Variants in VWC2L observed in about 807,000 individuals in gnomAD.
The protein encoded by VWC2L is von Willebrand factor C domain-containing protein 2-like.
VWC2L carries 10 observed loss-of-function variants against 21.6 expected under a neutral mutation model. The ratio of observed to expected loss-of-function variants is 0.46; its 90% CI spans 0.29 to 0.78. VWC2L has a LOEUF of 0.78. Among genes scored for constraint, VWC2L ranks in the 30% least tolerant of loss-of-function variants. The pLI is 0.10. For synonymous variants in VWC2L, 96 were observed against 94.3 expected, an observed-to-expected ratio of 1.02 and a Z score of -0.10; for missense variants, 209 against 277.1, an observed-to-expected ratio of 0.75 and a Z score of 1.74.
intron 2 of VWC2L, among the ~76,000 whole-genome samples, chr2:214,418,011 CT>C (rs762125481): frequency 3.9e-5 from 6 of 152,060 alleles, no homozygotes; most frequent in Non-Finnish European, 5.9e-5. Flanking sequence ...CTCTTGGTGG[CT>C]TTTTTTCCCT....
At chr2:214,414,073 TTATA>T in intron 1 of VWC2L, 37 bp from the exon 2 acceptor site, 1 of 1,134,974 alleles carries the variant, frequency 8.8e-7, no homozygotes, top group East Asian at 2.6e-5. Context: ...TATCTTCACT[TTATA>T]TATGTCAAAT....
intron 3 of VWC2L, among the ~76,000 whole-genome samples, chr2:214,472,879 GT>G: frequency 6.6e-6 from 1 of 152,208 alleles, no homozygotes; most frequent in African/African-American, 2.4e-5. Context: ...GAAAATATAT[GT>G]GTAACACACC....
At chr2:214,530,009 A>C (rs185422962) in intron 3 of VWC2L, among the ~76,000 whole-genome samples, 1 of 152,326 alleles carries the variant, frequency 6.6e-6, no homozygotes, top group East Asian at 1.9e-4. Flanking sequence ...GTAGTTCTTC[A>C]GGTTTCACAG....
At chr2:214,547,408 T>C (rs1689726094) in intron 3 of VWC2L, among the ~76,000 whole-genome samples, 1 of 152,146 alleles carries the variant, frequency 6.6e-6, no homozygotes, top group African/African-American at 2.4e-5. Flanking sequence ...ATGTTCGACA[T>C]ATAATTCAGT....
chr2:214,455,967 C>A (rs1237439350), intron 3 of VWC2L, among the ~76,000 whole-genome samples: 2 of 152,148 alleles, frequency 1.3e-5, no homozygotes, highest in Non-Finnish European at 2.9e-5. Flanking sequence ...GATTCCCTAT[C>A]TTGGCTATTG....
intron 2 of VWC2L, among the ~76,000 whole-genome samples, chr2:214,417,679 G>T (rs751953094): frequency 6.6e-6 from 1 of 152,160 alleles, no homozygotes; most frequent in Non-Finnish European, 1.5e-5. Flanking sequence ...ATTCAGATAT[G>T]TGTCGGTGGA....
chr2:214,499,179 C>T (rs1180366546), intron 3 of VWC2L, among the ~76,000 whole-genome samples: 1 of 151,684 alleles, frequency 6.6e-6, no homozygotes, highest in African/African-American at 2.4e-5. Flanking sequence ...CCACCATGCC[C>T]AGCTAATTTT....
chr2:214,533,528 G>T (rs1485120705), intron 3 of VWC2L, among the ~76,000 whole-genome samples: 1 of 141,542 alleles, frequency 7.1e-6, no homozygotes, highest in African/African-American at 2.6e-5. Flanking sequence ...GAACTCCCTT[G>T]TAGGGCATAG....
At chr2:214,516,498 T>C (rs976560622) in intron 3 of VWC2L, among the ~76,000 whole-genome samples, 4 of 152,164 alleles carry the variant, frequency 2.6e-5, no homozygotes, top group African/African-American at 9.7e-5. Context: ...TCACAATTTA[T>C]AGAAAGCTAA....
At chr2:214,529,112 C>G (rs1444775435) in intron 3 of VWC2L, among the ~76,000 whole-genome samples, 1 of 152,128 alleles carries the variant, frequency 6.6e-6, no homozygotes, top group Non-Finnish European at 1.5e-5. Context: ...AATGACAAAA[C>G]CAGGATCTGA....
At chr2:214,560,817 T>A (rs1489802722) in intron 3 of VWC2L, among the ~76,000 whole-genome samples, 1 of 152,174 alleles carries the variant, frequency 6.6e-6, no homozygotes, top group Non-Finnish European at 1.5e-5. Flanking sequence ...AAAATCACAC[T>A]TATCAAAGAA....
chr2:214,450,035 G>A (rs1339095756), intron 3 of VWC2L, among the ~76,000 whole-genome samples: 1 of 152,182 alleles, frequency 6.6e-6, no homozygotes, highest in African/African-American at 2.4e-5. Flanking sequence ...AACTTTCTGT[G>A]TTAGGGTTTG....
chr2:214,447,217 G>A (rs1702851342), intron 3 of VWC2L, among the ~76,000 whole-genome samples: 1 of 152,076 alleles, frequency 6.6e-6, no homozygotes, highest in African/African-American at 2.4e-5. Flanking sequence ...TATCTCTCCA[G>A]AGAGGTTCAA....
chr2:214,503,634 A>G (rs1688926181), intron 3 of VWC2L, among the ~76,000 whole-genome samples: 1 of 152,088 alleles, frequency 6.6e-6, no homozygotes, highest in South Asian at 2.1e-4. Flanking sequence ...GTAGGGCTAG[A>G]ATAAATCTCA....
chr2:214,452,854 T>G (rs993870507), intron 3 of VWC2L, among the ~76,000 whole-genome samples: 1 of 152,222 alleles, frequency 6.6e-6, no homozygotes, highest in Non-Finnish European at 1.5e-5. Flanking sequence ...TAGTCTCTTT[T>G]CATATGATAT....
At chr2:214,517,324 G>A (rs1223208624) in intron 3 of VWC2L, among the ~76,000 whole-genome samples, 2 of 152,184 alleles carry the variant, frequency 1.3e-5, no homozygotes, top group African/African-American at 2.4e-5. Flanking sequence ...ATGACAGGCG[G>A]CTACAGGGTC....
At chr2:214,470,226 A>G (rs1166212353) in intron 3 of VWC2L, among the ~76,000 whole-genome samples, 1 of 150,480 alleles carries the variant, frequency 6.6e-6, no homozygotes, top group African/African-American at 2.4e-5. Flanking sequence ...TTTTTTTTGC[A>G]CTTGAAGAAA....
chr2:214,517,769 G>A (rs1184940104), intron 3 of VWC2L, among the ~76,000 whole-genome samples: 1 of 152,160 alleles, frequency 6.6e-6, no homozygotes, highest in Admixed American at 6.5e-5. Flanking sequence ...TTGGTTAAAA[G>A]ATGCCAAAAA....
chr2:214,555,264 C>T (rs983045447), intron 3 of VWC2L, among the ~76,000 whole-genome samples: 20 of 152,118 alleles, frequency 1.3e-4, no homozygotes, highest in African/African-American at 4.8e-4. Flanking sequence ...AAATGTACAC[C>T]TTCTGTGTAT....
Sources: gnomAD v4.1 joint callset for allele counts (sites outside exome capture counted in the v4.1 genomes callset) on GRCh38, gnomAD v4.1.1 for gene constraint, MANE v1.5 for transcripts, NCBI Gene and HGNC (gene_info 2026-07-23, HGNC 2026-07-21) for gene names.